Variants in SGCZ observed in about 807,000 individuals in gnomAD.
SGCZ encodes zeta-sarcoglycan.
A neutral mutation model predicts 41.3 loss-of-function variants in SGCZ; 40 were observed. The ratio of observed to expected loss-of-function variants is 0.97; its 90% CI spans 0.75 to 1.26. The LOEUF (loss-of-function observed/expected upper bound fraction) is 1.26, where lower values mean the gene tolerates loss of function less well. Among genes scored for constraint, SGCZ ranks in the 50% most tolerant of loss-of-function variants. The pLI is 0.00. For synonymous variants in SGCZ, 206 were observed against 137.5 expected, an observed-to-expected ratio of 1.50 and a Z score of -3.49; for missense variants, 552 against 369.8, an observed-to-expected ratio of 1.49 and a Z score of -4.04.
rs1254221572 is a variant in SGCZ, at chr8:14,455,488, ACACG to A, written c.234+99240_234+99243del. Among the ~76,000 whole-genome samples the A allele has an allele frequency of 1.6e-3, 244 of 150,926 alleles. 5 individuals are homozygous for A. The East Asian group carries it at 0.033, about 20-fold the overall frequency. Reference sequence around the variant, plus strand: ...CACACACACACACACACACACACACACACGCATATACACACTTCTCTTTCCTTTC... The same window carrying A: ...CACACACACACACACACACACACACACATATACACACTTCTCTTTCCTTTC... On this transcript the variant is annotated intron_variant, in intron 2 of 7. Coordinates refer to ENST00000382080, the MANE Select transcript of SGCZ (RefSeq NM_139167.4).
intron 1 of SGCZ, among the ~76,000 whole-genome samples, chr8:15,007,240 G>A (rs1802637625): frequency 6.6e-6 from 1 of 152,062 alleles, no homozygotes; most frequent in African/African-American, 2.4e-5. Context: ...AGTATATTTA[G>A]ATATTAATTT....
chr8:14,318,067 T>C, intron 3 of SGCZ, among the ~76,000 whole-genome samples: 1 of 151,912 alleles, frequency 6.6e-6, no homozygotes, highest in East Asian at 1.9e-4. Flanking sequence ...CTATGTATGC[T>C]TGAGAATGCA....
At chr8:14,213,695 T>A (rs999780993) in intron 4 of SGCZ, among the ~76,000 whole-genome samples, 1 of 152,038 alleles carries the variant, frequency 6.6e-6, no homozygotes, top group Non-Finnish European at 1.5e-5. Context: ...TATCTGTCAG[T>A]TTAAAAATAT....
chr8:14,585,113 C>A (rs189248626), intron 1 of SGCZ, among the ~76,000 whole-genome samples: 13 of 152,208 alleles, frequency 8.5e-5, no homozygotes, highest in Non-Finnish European at 1.6e-4. Flanking sequence ...CTGATCCCTG[C>A]ATTTAGATAA....
intron 1 of SGCZ, among the ~76,000 whole-genome samples, chr8:14,727,965 AAAATACTCTGAAACAAAAG>A (rs1810112933): frequency 6.6e-6 from 1 of 152,208 alleles, no homozygotes; most frequent in African/African-American, 2.4e-5. Flanking sequence ...TGCACAGTAA[AAAATACTCTGAAACAAAAG>A]AAGCTAGACA....
At chr8:14,171,192 T>C (rs971200434) in intron 4 of SGCZ, among the ~76,000 whole-genome samples, 4 of 151,774 alleles carry the variant, frequency 2.6e-5, no homozygotes, top group African/African-American at 9.7e-5. Flanking sequence ...TTTTTTTCTT[T>C]TTCTCATTTA....
intron 2 of SGCZ, among the ~76,000 whole-genome samples, chr8:14,525,474 C>T (rs1417522736): frequency 6.6e-6 from 1 of 151,926 alleles, no homozygotes; most frequent in Non-Finnish European, 1.5e-5. Context: ...TTTAATATAT[C>T]ATTATTAATT....
At chr8:14,354,118 T>A (rs992078688) in intron 2 of SGCZ, among the ~76,000 whole-genome samples, 1 of 152,068 alleles carries the variant, frequency 6.6e-6, no homozygotes, top group Non-Finnish European at 1.5e-5. Flanking sequence ...CTACATCTGC[T>A]TATAAAAGTG....
At chr8:14,161,112 G>A (rs1324577060) in intron 5 of SGCZ, among the ~76,000 whole-genome samples, 2 of 152,144 alleles carry the variant, frequency 1.3e-5, no homozygotes, top group Non-Finnish European at 2.9e-5. Context: ...GAAGCACCCT[G>A]GAGTCAATGT....
chr8:15,008,716 G>A (rs1300810033), intron 1 of SGCZ, among the ~76,000 whole-genome samples: 1 of 69,374 alleles, frequency 1.4e-5, no homozygotes, highest in East Asian at 6.9e-4. Flanking sequence ...AGGGGAGGAG[G>A]GAGGGGAGGA....
chr8:14,151,237 T>A lies in SGCZ; in HGVS notation c.547+13343A>T, dbSNP rs143411105. 6.5e-3 allele frequency among the ~76,000 whole-genome samples: 982 copies of A among 152,248 alleles called. 6 individuals are homozygous for A. Among genetic ancestry groups the A allele is most frequent in the East Asian group, 0.032 (167 of 5,184 alleles). On this transcript the variant is annotated intron_variant, in intron 5 of 7. Coordinates refer to ENST00000382080, the MANE Select transcript of SGCZ (RefSeq NM_139167.4). The stretch of plus-strand genomic sequence containing the variant: ...GGCATGAATACTCCATTCTCCATGA[T>A]GTAATTATTTCACATTGCATTCTTG...
intron 1 of SGCZ, among the ~76,000 whole-genome samples, chr8:14,847,126 AAAGAAGAAG>A (rs61002020): frequency 0.034 from 4,234 of 126,382 alleles, 108 homozygotes; most frequent in Admixed American, 0.061. Flanking sequence ...GAAGAAGAAG[AAAGAAGAAG>A]AAGAAGAAGA....
intron 1 of SGCZ, among the ~76,000 whole-genome samples, chr8:15,234,357 A>C (rs764005710): frequency 6.6e-6 from 1 of 152,152 alleles, no homozygotes. Context: ...CATATTTTGG[A>C]TTTTTTGATG....
At chr8:14,305,295 G>T (rs1395078292) in intron 3 of SGCZ, among the ~76,000 whole-genome samples, 3 of 152,066 alleles carry the variant, frequency 2.0e-5, no homozygotes, top group African/African-American at 7.2e-5. Context: ...TAACATTAAT[G>T]CCACAGAAAT....
intron 2 of SGCZ, among the ~76,000 whole-genome samples, chr8:14,453,206 T>C (rs562967394): frequency 6.6e-6 from 1 of 152,312 alleles, no homozygotes; most frequent in Non-Finnish European, 1.5e-5. Context: ...ACTTTAAAGA[T>C]GGTTTGTAAA....
chr8:14,089,222 G>C lies in SGCZ; in HGVS notation c.*1221C>G, dbSNP rs758384585. 6.6e-6 allele frequency among the ~76,000 whole-genome samples: 1 copy of C among 151,908 alleles called. No homozygotes were observed. The highest frequency in any genetic ancestry group is 1.5e-5 in the Non-Finnish European group (1 of 67,900). On this transcript the variant is annotated 3_prime_UTR_variant, in exon 8 of 8. Coordinates refer to ENST00000382080, the MANE Select transcript of SGCZ (RefSeq NM_139167.4). ...GTAGCCTAACAACGATCTAATAAAA[G>C]TAAATATATGTTAACAGCTGAATAG...
intron 1 of SGCZ, among the ~76,000 whole-genome samples, chr8:14,803,962 T>G (rs1028385517): frequency 1.7e-5 from 2 of 121,026 alleles, no homozygotes; most frequent in South Asian, 2.8e-4. Context: ...CCCCACAGCA[T>G]GGGCACACTG....
chr8:14,742,377 CAAA>C (rs1321177190), intron 1 of SGCZ, among the ~76,000 whole-genome samples: 3 of 152,018 alleles, frequency 2.0e-5, no homozygotes, highest in African/African-American at 7.2e-5. Flanking sequence ...TAAAACTCAA[CAAA>C]AATTCAGTCT....
At position 14,509,335 on chromosome 8, in the gene SGCZ, A is replaced by G. The variant is rs149268108; in HGVS notation, c.234+45397T>C. ...GCAAATAAAAACATTATATGATCAA[A>G]TATCTCTATCACACCATTTGCAACT... On this transcript the variant is annotated intron_variant, in intron 2 of 7. Coordinates refer to ENST00000382080, the MANE Select transcript of SGCZ (RefSeq NM_139167.4). Among the ~76,000 whole-genome samples, 728 of 152,328 alleles carry G rather than the reference A, an allele frequency of 4.8e-3. 4 individuals are homozygous for G. The highest frequency in any genetic ancestry group is 0.016 in the African/African-American group (675 of 41,588).
Sources: gnomAD v4.1 joint callset for allele counts (sites outside exome capture counted in the v4.1 genomes callset) on GRCh38, gnomAD v4.1.1 for gene constraint, MANE v1.5 for transcripts, NCBI Gene and HGNC (gene_info 2026-07-23, HGNC 2026-07-21) for gene names.